ASIC2: variants seen among roughly 807,000 people sequenced by gnomAD.
ASIC2 encodes the protein acid-sensing ion channel 2.
ASIC2 carries 25 observed loss-of-function variants against 57.3 expected under a neutral mutation model. That is an observed-to-expected ratio of 0.44 (90% CI 0.32 to 0.61). ASIC2 has a LOEUF of 0.61. ASIC2 is among the 20% of genes least tolerant of loss of function. ASIC2 has a pLI of 0.06. For synonymous variants in ASIC2, 319 were observed against 307.5 expected (o/e 1.04, Z -0.39); for missense variants, 641 against 738.1 (o/e 0.87, Z 1.52).
chr17:33,936,048 A>G (rs1426226026), intron 1 of ASIC2: 2 of 152,238 alleles, frequency 1.3e-5, no homozygotes, highest in South Asian at 2.1e-4. Flanking sequence ...GGGACATGCA[A>G]GTCCCTAACC....
intron 1 of ASIC2, among the ~76,000 whole-genome samples, chr17:33,201,050 G>A (rs72819141): frequency 6.6e-6 from 1 of 151,916 alleles, no homozygotes; most frequent in Non-Finnish European, 1.5e-5. Context: ...TTCTCGGAGA[G>A]ACCTCCTCTG....
intron 1 of ASIC2, among the ~76,000 whole-genome samples, chr17:33,688,580 T>C (rs1416744040): frequency 1.3e-5 from 2 of 152,252 alleles, no homozygotes; most frequent in Non-Finnish European, 2.9e-5. Flanking sequence ...ACAAAGCGAC[T>C]GTTGTATTAT....
chr17:33,458,135 G>T (rs976069998), intron 1 of ASIC2, among the ~76,000 whole-genome samples: 1 of 152,134 alleles, frequency 6.6e-6, no homozygotes, highest in African/African-American at 2.4e-5. Flanking sequence ...AGTGGAAGGG[G>T]TTCCAGACGG....
intron 1 of ASIC2, among the ~76,000 whole-genome samples, chr17:33,655,517 T>G (rs761275326): frequency 6.6e-6 from 1 of 152,246 alleles, no homozygotes; most frequent in Non-Finnish European, 1.5e-5. Flanking sequence ...ACACTGACAC[T>G]GCAATCTCTG....
intron 1 of ASIC2, among the ~76,000 whole-genome samples, chr17:33,478,812 T>C (rs1913311741): frequency 6.6e-6 from 1 of 152,194 alleles, no homozygotes. Context: ...AGGATTAAAA[T>C]CTTTGTTTTT....
At chr17:33,425,940 TGTAGGG>T (rs1911204847) in intron 1 of ASIC2, among the ~76,000 whole-genome samples, 1 of 152,066 alleles carries the variant, frequency 6.6e-6, no homozygotes, top group Non-Finnish European at 1.5e-5. Flanking sequence ...CAAAAATGGC[TGTAGGG>T]GTGGAAGGTG....
At chr17:33,964,833 A>G (rs906005702) in intron 1 of ASIC2, among the ~76,000 whole-genome samples, 11 of 152,222 alleles carry the variant, frequency 7.2e-5, no homozygotes, top group African/African-American at 2.7e-4. Flanking sequence ...TGGAGTCAGA[A>G]CATAGGCTTC....
chr17:33,759,582 T>C (rs188957723), intron 1 of ASIC2, among the ~76,000 whole-genome samples: 3 of 152,314 alleles, frequency 2.0e-5, no homozygotes, highest in Non-Finnish European at 4.4e-5. Context: ...TCAGAGATCT[T>C]TGAGGCTGCC....
In ASIC2 at chr17:34,027,874, T is replaced by G. The variant is rs1907437188; in HGVS notation, c.555+128104A>C. ...TCACAGTAGGTTTTTATTGATTGGA[T>G]TTTTGAAAGGAGGTACAGATTTGGG... On this transcript the variant is annotated intron_variant, in intron 1 of 9. Transcript: ENST00000359872. Among the ~76,000 whole-genome samples, 4 of 152,188 alleles carry G rather than the reference T, an allele frequency of 2.6e-5. No individual in the cohort carries two copies. In the South Asian group the frequency reaches 8.3e-4, roughly 32 times the overall value.
intron 1 of ASIC2, among the ~76,000 whole-genome samples, chr17:33,999,363 T>C (rs1168420773): frequency 6.6e-6 from 1 of 152,188 alleles, no homozygotes; most frequent in Non-Finnish European, 1.5e-5. Flanking sequence ...TTACACAAAG[T>C]AATTATCAAT....
chr17:33,697,752 ACAC>A (rs1330443338), intron 1 of ASIC2, among the ~76,000 whole-genome samples: 1 of 152,222 alleles, frequency 6.6e-6, no homozygotes, highest in African/African-American at 2.4e-5. Flanking sequence ...TATGATTCAC[ACAC>A]CACATCAAGA....
chr17:33,172,501 A>T (rs921043078), intron 1 of ASIC2, among the ~76,000 whole-genome samples: 2 of 152,124 alleles, frequency 1.3e-5, no homozygotes, highest in Non-Finnish European at 2.9e-5. Flanking sequence ...TTAGCCCCAC[A>T]TGCCTGTCCT....
chr17:33,777,929 G>C (rs925120228), intron 1 of ASIC2, among the ~76,000 whole-genome samples: 1 of 152,104 alleles, frequency 6.6e-6, no homozygotes, highest in Non-Finnish European at 1.5e-5. Context: ...CACTGACTCA[G>C]CTCAGCCCTG....
intron 1 of ASIC2, among the ~76,000 whole-genome samples, chr17:33,373,809 G>A (rs1050112128): frequency 2.0e-5 from 3 of 151,902 alleles, no homozygotes; most frequent in African/African-American, 7.3e-5. Flanking sequence ...TTCCCGAGTA[G>A]CTGGGATTAC....
intron 1 of ASIC2, among the ~76,000 whole-genome samples, chr17:33,716,153 C>A (rs566739988): frequency 6.6e-6 from 1 of 152,304 alleles, no homozygotes; most frequent in East Asian, 1.9e-4. Flanking sequence ...ATTTAGCCTG[C>A]AGGAACAGCC....
intron 1 of ASIC2, among the ~76,000 whole-genome samples, chr17:33,941,334 G>A (rs1415073144): frequency 6.6e-6 from 1 of 152,214 alleles, no homozygotes; most frequent in Non-Finnish European, 1.5e-5. Flanking sequence ...ATCCCAGTGG[G>A]ATCCTGCAGG....
intron 3 of ASIC2, among the ~76,000 whole-genome samples, chr17:33,042,925 C>T (rs553443823): frequency 2.6e-5 from 4 of 151,986 alleles, no homozygotes; most frequent in Admixed American, 6.5e-5. Flanking sequence ...AAACATTATC[C>T]CTGTTTTGTT....
intron 2 of ASIC2, 21 bp from the exon 3 acceptor site, chr17:33,089,011 A>C (rs369787032): frequency 6.2e-7 from 1 of 1,613,560 alleles, no homozygotes; most frequent in African/African-American, 1.3e-5. Context: ...AAAGATGGAC[A>C]GAGCCACGGG....
At chr17:33,357,042 G>C (rs1187914566) in intron 1 of ASIC2, among the ~76,000 whole-genome samples, 2 of 152,252 alleles carry the variant, frequency 1.3e-5, no homozygotes, top group Non-Finnish European at 2.9e-5. Context: ...TGGAGGTAGA[G>C]CCCAGCAACC....
Sources: gnomAD v4.1 joint callset for allele counts (sites outside exome capture counted in the v4.1 genomes callset) on GRCh38, gnomAD v4.1.1 for gene constraint, MANE v1.5 for transcripts, NCBI Gene and HGNC (gene_info 2026-07-23, HGNC 2026-07-21) for gene names.